The following RARB variants were observed in gnomAD, a reference collection of about 807,000 sequenced individuals.
The protein encoded by RARB is HBV-activated protein.
A neutral mutation model predicts 51.9 loss-of-function variants in RARB; 17 were observed. The observed-to-expected ratio is 0.33, with a 90% CI of 0.22 to 0.49. The LOEUF (loss-of-function observed/expected upper bound fraction) is 0.49. Among genes scored for constraint, RARB ranks in the 20% least tolerant of loss-of-function variants. The pLI is 0.99. For synonymous variants in RARB, 215 were observed against 195.4 expected, an observed-to-expected ratio of 1.10 and a Z score of -0.84; for missense variants, 369 against 550.8, an observed-to-expected ratio of 0.67 and a Z score of 3.30.
intron 2 of RARB, among the ~76,000 whole-genome samples, chr3:24,898,317 T>C (rs577060444): frequency 6.8e-6 from 1 of 146,574 alleles, no homozygotes; most frequent in South Asian, 2.2e-4. Context: ...GAATAAATTA[T>C]AAATATAATA....
chr3:24,941,504 G>A (rs987797102), intron 2 of RARB, among the ~76,000 whole-genome samples: 3 of 151,970 alleles, frequency 2.0e-5, no homozygotes, highest in Admixed American at 2.0e-4. Context: ...CGAATAGCTG[G>A]GATTACAGGC....
intron 3 of RARB, among the ~76,000 whole-genome samples, chr3:25,562,566 A>C (rs1465759091): frequency 6.6e-6 from 1 of 152,228 alleles, no homozygotes; most frequent in Non-Finnish European, 1.5e-5. Context: ...TCAGGGGTTC[A>C]TGTCATCCCT....
intron 1 of RARB, among the ~76,000 whole-genome samples, chr3:24,846,369 A>G (rs1462201770): frequency 6.6e-6 from 1 of 152,348 alleles, no homozygotes; most frequent in East Asian, 1.9e-4. Flanking sequence ...AGTTATTACC[A>G]TTCTTTAAAA....
At chr3:24,944,711 T>C (rs1214181307) in intron 2 of RARB, among the ~76,000 whole-genome samples, 1 of 152,206 alleles carries the variant, frequency 6.6e-6, no homozygotes, top group Admixed American at 6.5e-5. Flanking sequence ...TGACTTGCTT[T>C]GCATTTGTTT....
intron 3 of RARB, among the ~76,000 whole-genome samples, chr3:25,512,280 C>T (rs970559294): frequency 1.3e-4 from 20 of 152,166 alleles, no homozygotes; most frequent in Non-Finnish European, 7.3e-5. Context: ...ATGCTCCTTC[C>T]GACCCAGTGG....
chr3:24,891,070 T>C lies in RARB; in HGVS notation c.-380+32318T>C, dbSNP rs111829888. On this transcript the variant is annotated intron_variant, in intron 2 of 11. Transcript: ENST00000383772. ...GAAAAGCTCAGTGCGTTTCAGTCTG[T>C]CTGGAAAGTTGTGAACAACGCAGCC... Among the ~76,000 whole-genome samples the C allele has an allele frequency of 7.3e-3, 1,118 of 152,318 alleles. 14 individuals carry two copies. Among genetic ancestry groups the C allele is most frequent in the African/African-American group, 0.026 (1,066 of 41,554 alleles).
chr3:25,394,648 G>A (rs561702327), intron 5 of RARB, among the ~76,000 whole-genome samples: 2 of 152,208 alleles, frequency 1.3e-5, no homozygotes, highest in South Asian at 4.1e-4. Flanking sequence ...TTATAATTAT[G>A]TAATGCCTCT....
rs180739017 is a variant in RARB, at chr3:25,456,336, C to T, written c.158-4857C>T. ...TGTCCCCCTGCTTATTTCCCACTGA[C>T]TTTCTTGGGGGGTGGAGGAAGGCAA... On this transcript the variant is annotated intron_variant, in intron 1 of 7. Transcript: ENST00000330688. Among the ~76,000 whole-genome samples the T allele has an allele frequency of 8.9e-3, 1,357 of 152,178 alleles. 78 individuals are homozygous for T. Among genetic ancestry groups the T allele is most frequent in the Admixed American group, 0.079 (1,205 of 15,280 alleles).
chr3:25,174,308 T>C (rs563302045), exon 5 of RARB: 270 of 1,130,362 alleles, frequency 2.4e-4, no homozygotes, highest in Non-Finnish European at 2.3e-4. Context: ...CCTCAACTCC[T>C]GCAGTGCATT....
At chr3:25,138,169 C>T (rs1700059252) in intron 4 of RARB, among the ~76,000 whole-genome samples, 2 of 152,064 alleles carry the variant, frequency 1.3e-5, no homozygotes, top group South Asian at 2.1e-4. Context: ...CAACATCTGG[C>T]GTGGCCCAAT....
intron 1 of RARB, among the ~76,000 whole-genome samples, chr3:24,851,957 A>C (rs940237237): frequency 6.6e-6 from 1 of 152,248 alleles, no homozygotes; most frequent in Non-Finnish European, 1.5e-5. Flanking sequence ...ATGAGTAGTA[A>C]GCGGAAGCCC....
At chr3:25,063,607 A>G (rs956239915) in intron 3 of RARB, among the ~76,000 whole-genome samples, 3 of 152,026 alleles carry the variant, frequency 2.0e-5, no homozygotes, top group African/African-American at 7.2e-5. Flanking sequence ...GGCAAAATCT[A>G]TGCCGGTGGA....
intron 2 of RARB, among the ~76,000 whole-genome samples, chr3:25,472,360 A>G (rs902047594): frequency 6.6e-6 from 1 of 152,182 alleles, no homozygotes; most frequent in African/African-American, 2.4e-5. Flanking sequence ...AGAATGGCAT[A>G]CCTCATTGGC....
chr3:25,013,966 T>C (rs1697453434), intron 2 of RARB, among the ~76,000 whole-genome samples: 1 of 152,106 alleles, frequency 6.6e-6, no homozygotes, highest in Non-Finnish European at 1.5e-5. Flanking sequence ...TTGAGGTGTT[T>C]AATGTCATCA....
intron 5 of RARB, among the ~76,000 whole-genome samples, chr3:25,403,275 G>C (rs920004456): frequency 2.0e-5 from 3 of 151,942 alleles, no homozygotes; most frequent in Non-Finnish European, 4.4e-5. Context: ...TGGATTGTTT[G>C]TAACACTAAT....
chr3:24,881,515 G>GAAA (rs1703166171), intron 2 of RARB, among the ~76,000 whole-genome samples: 1 of 152,092 alleles, frequency 6.6e-6, no homozygotes, highest in African/African-American at 2.4e-5. Flanking sequence ...AAATTGATTT[G>GAAA]TTTGCATATT....
chr3:25,063,946 G>T (rs1464868240), intron 3 of RARB, among the ~76,000 whole-genome samples: 1 of 152,058 alleles, frequency 6.6e-6, no homozygotes, highest in African/African-American at 2.4e-5. Flanking sequence ...CCAAATGCCA[G>T]ATTCGAATGA....
Position 25,354,322 on chromosome 3 carries a change from T to A in RARB, c.179-106871T>A, listed in dbSNP as rs190774643. Among the ~76,000 whole-genome samples, 7 of 152,208 alleles carry A rather than the reference T, an allele frequency of 4.6e-5. No homozygotes were observed. In the East Asian group the frequency reaches 1.4e-3, roughly 29 times the overall value. ...TAATCAGGAAAATCCTTGAGGAGAC[T>A]GTGGTTTTATAGGATGCTAAATCAG... On this transcript the variant is annotated intron_variant, in intron 5 of 11. Coordinates refer to the RARB transcript ENST00000383772.
At chr3:25,557,199 C>T (rs948333423) in intron 3 of RARB, among the ~76,000 whole-genome samples, 49 of 150,952 alleles carry the variant, frequency 3.2e-4, no homozygotes, top group African/African-American at 1.2e-3. Context: ...GAGACTTCTG[C>T]TTTGAGTTCC....
Sources: allele counts gnomAD v4.1 joint callset (sites outside exome capture counted in the v4.1 genomes callset), GRCh38; gene constraint gnomAD v4.1.1; transcripts MANE v1.5; gene names NCBI Gene and HGNC (gene_info 2026-07-23, HGNC 2026-07-21).